Variants in SYN2 observed in about 807,000 individuals in gnomAD.
SYN2 encodes synapsin-2.
Under a neutral mutation model 50.9 loss-of-function variants are expected in SYN2, and 19 were observed. The observed-to-expected ratio is 0.37, with a 90% CI of 0.26 to 0.55. The LOEUF (loss-of-function observed/expected upper bound fraction) is 0.55, where lower values mean the gene tolerates loss of function less well. Among genes scored for constraint, SYN2 ranks in the 20% least tolerant of loss-of-function variants. The pLI, the probability that SYN2 is intolerant of heterozygous loss-of-function variation, is 0.81. For synonymous variants in SYN2, 255 were observed against 224.9 expected, an observed-to-expected ratio of 1.13 and a Z score of -1.20; for missense variants, 587 against 576.4, an observed-to-expected ratio of 1.02 and a Z score of -0.19.
intron 1 of SYN2, among the ~76,000 whole-genome samples, chr3:12,063,809 G>A (rs1219268816): frequency 6.6e-6 from 1 of 151,846 alleles, no homozygotes. Context: ...ATATCCATAG[G>A]TCCATACTGA....
At chr3:12,162,312 A>G (rs1418388593) in intron 7 of SYN2, among the ~76,000 whole-genome samples, 158 bp downstream of exon 7, 6 of 152,310 alleles carry the variant, frequency 3.9e-5, no homozygotes, top group Non-Finnish European at 7.4e-5. Flanking sequence ...GTGGACTAAG[A>G]TGAGAAAATA....
At chr3:12,158,547 G>A in intron 5 of SYN2, 1 of 1,120,786 alleles carries the variant, frequency 8.9e-7, no homozygotes, top group South Asian at 1.6e-5. Context: ...GGTTGCTATG[G>A]CGCCTGGTCC....
At chr3:12,105,124 G>A (rs1696157752) in intron 1 of SYN2, among the ~76,000 whole-genome samples, 1 of 152,104 alleles carries the variant, frequency 6.6e-6, no homozygotes, top group African/African-American at 2.4e-5. Context: ...ATAACTGAAT[G>A]TACGAGCAAT....
In SYN2 at chr3:12,004,479, C is replaced by T; in HGVS notation, c.-73C>T. 2.5e-6 allele frequency: 1 copy of T among 399,350 alleles called. No homozygotes were observed. The highest frequency in any genetic ancestry group is 3.0e-5 in the South Asian group (1 of 33,022). The allele number at this position is 399,350 out of a possible 1,614,324, so 24.7% of individuals were successfully genotyped here. ...TCAGCCGCCTCAGTCGCCTCAATCT[C>T]GCCTTCCGCCCTCGCTCTCCCTCCG... On this transcript the variant is annotated 5_prime_UTR_variant, in exon 1 of 13. Coordinates refer to ENST00000621198, the MANE Select transcript of SYN2 (RefSeq NM_133625.6).
chr3:12,050,632 C>CCGCGCCCGGCCTCTTTT (rs1553610675), intron 1 of SYN2, among the ~76,000 whole-genome samples: 1 of 147,162 alleles, frequency 6.8e-6, no homozygotes, highest in Admixed American at 6.8e-5. Context: ...GCGTGAGCCA[C>CCGCGCCCGGCCTCTTTT]TTTGCCTAGC....
intron 1 of SYN2, among the ~76,000 whole-genome samples, chr3:12,032,288 A>T (rs1478939155): frequency 2.9e-5 from 1 of 33,992 alleles, no homozygotes; most frequent in African/African-American, 7.7e-5. Flanking sequence ...GGGTAACCCG[A>T]CCTTTCTCTC....
At chr3:12,172,433 A>G (rs536931231) in intron 10 of SYN2, among the ~76,000 whole-genome samples, 1 of 152,220 alleles carries the variant, frequency 6.6e-6, no homozygotes, top group Non-Finnish European at 1.5e-5. Context: ...GAAAGCTATT[A>G]TACTCACAGT....
chr3:12,187,232 C>A (rs1186588688), intron 11 of SYN2, 137 bp from the exon 12 acceptor site: 8 of 1,271,186 alleles, frequency 6.3e-6, no homozygotes, highest in Non-Finnish European at 3.1e-6. Flanking sequence ...CCTTTAGGGC[C>A]CTTCAGAGAC....
intron 1 of SYN2, among the ~76,000 whole-genome samples, chr3:12,017,586 T>A (rs1466733784): frequency 1.3e-5 from 2 of 152,226 alleles, no homozygotes; most frequent in African/African-American, 2.4e-5. Context: ...TGAACTTTCT[T>A]CATCTAAAAA....
intron 4 of SYN2, among the ~76,000 whole-genome samples, chr3:12,149,575 T>C (rs1416043743): frequency 2.0e-5 from 3 of 152,182 alleles, no homozygotes; most frequent in African/African-American, 7.2e-5. Context: ...GCCTGCACTT[T>C]CCTTTGCTCT....
intron 7 of SYN2, among the ~76,000 whole-genome samples, chr3:12,164,559 A>G (rs1211667651): frequency 6.6e-6 from 1 of 152,214 alleles, no homozygotes; most frequent in African/African-American, 2.4e-5. Context: ...CTACCCCAGC[A>G]ATCACCGTGG....
At chr3:12,014,154 A>G (rs1030953215) in intron 1 of SYN2, among the ~76,000 whole-genome samples, 2 of 152,152 alleles carry the variant, frequency 1.3e-5, no homozygotes, top group African/African-American at 4.8e-5. Flanking sequence ...CCCACTAGAT[A>G]GTGGGTTCTC....
intron 1 of SYN2, among the ~76,000 whole-genome samples, chr3:12,117,849 G>A (rs1459278671): frequency 6.6e-6 from 1 of 152,208 alleles, no homozygotes; most frequent in Non-Finnish European, 1.5e-5. Flanking sequence ...TTTGGAAACA[G>A]ATTCCCATAT....
intron 1 of SYN2, among the ~76,000 whole-genome samples, chr3:12,107,317 A>G (rs1216914799): frequency 6.6e-6 from 1 of 152,186 alleles, no homozygotes; most frequent in African/African-American, 2.4e-5. Context: ...CCCTGGGACT[A>G]TCTAATGCTA....
intron 1 of SYN2, among the ~76,000 whole-genome samples, chr3:12,054,229 TC>T (rs1219197388): frequency 6.6e-6 from 1 of 152,130 alleles, no homozygotes; most frequent in African/African-American, 2.4e-5. Context: ...ATCTGTTGAT[TC>T]CCCCTTATGT....
intron 1 of SYN2, among the ~76,000 whole-genome samples, chr3:12,099,453 C>G (rs453131): frequency 0.77 from 116,613 of 152,064 alleles, 46,255 homozygotes; most frequent in East Asian, 0.97. Flanking sequence ...AACACTCTTA[C>G]ACAACCAATG....
At chr3:12,163,241 C>CAAAAAAAAAAAA (rs11404808) in intron 7 of SYN2, among the ~76,000 whole-genome samples, 58 of 122,530 alleles carry the variant, frequency 4.7e-4, no homozygotes, top group African/African-American at 1.7e-3. Flanking sequence ...GACTCTGTCT[C>CAAAAAAAAAAAA]AAAAAAAAAA....
intron 1 of SYN2, among the ~76,000 whole-genome samples, chr3:12,012,216 T>G (rs1406591615): frequency 6.6e-6 from 1 of 152,106 alleles, no homozygotes; most frequent in Non-Finnish European, 1.5e-5. Context: ...TATTTAATAA[T>G]TAGGGGCAGA....
intron 1 of SYN2, among the ~76,000 whole-genome samples, chr3:12,065,783 A>G (rs1390366781): frequency 6.6e-6 from 1 of 152,204 alleles, no homozygotes; most frequent in Non-Finnish European, 1.5e-5. Flanking sequence ...GGAATCAATC[A>G]TAAACCAAAC....
Sources: gnomAD v4.1 joint callset for allele counts (sites outside exome capture counted in the v4.1 genomes callset) on GRCh38, gnomAD v4.1.1 for gene constraint, MANE v1.5 for transcripts, NCBI Gene and HGNC (gene_info 2026-07-23, HGNC 2026-07-21) for gene names.